PLAGL1: variants seen among roughly 807,000 people sequenced by gnomAD.
PLAGL1 encodes zinc finger protein PLAGL1.
PLAGL1 carries 1 observed loss-of-function variant against 4.6 expected under a neutral mutation model. The observed-to-expected ratio is 0.22, with a 90% CI of 0.08 to 1.03. The LOEUF (loss-of-function observed/expected upper bound fraction) is 1.03. PLAGL1 is among the 50% of genes least tolerant of loss of function. The probability of loss-of-function intolerance (pLI) is 0.58; values close to 1 mark genes in which losing one functional copy is unlikely to be tolerated. For synonymous variants in PLAGL1, 240 were observed against 237.8 expected (o/e 1.01, Z -0.08); for missense variants, 464 against 570.4 (o/e 0.81, Z 1.90).
rs1783068636 is a variant in PLAGL1, at chr6:143,960,133, C to T, written c.-325+336G>A. Among the ~76,000 whole-genome samples the T allele has an allele frequency of 6.6e-6, 1 of 152,142 alleles. No homozygotes were observed. Among genetic ancestry groups the T allele is most frequent in the Admixed American group, 6.5e-5 (1 of 15,272 alleles). Reference sequence around the variant, plus strand: ...CACAAGTTAGGAGTGTTGGCAGGGGCAGCTTTCTTCTTTTGAACTGACAGG... The same window carrying T: ...CACAAGTTAGGAGTGTTGGCAGGGGTAGCTTTCTTCTTTTGAACTGACAGG... On this transcript the variant is annotated intron_variant, in intron 6 of 7. Coordinates refer to ENST00000674357, the MANE Select transcript of PLAGL1 (RefSeq NM_001317162.2). The surrounding 1 kb of genome is among the most constrained non-coding windows in gnomAD (Gnocchi z 5.7).
Position 144,050,148 on chromosome 6 carries a change from ATG to A in PLAGL1, c.-151+14318_-151+14319del, listed in dbSNP as rs1307360381. Among the ~76,000 whole-genome samples the A allele has an allele frequency of 6.6e-6, 1 of 152,140 alleles. No individual in the cohort carries two copies. The highest frequency in any genetic ancestry group is 1.5e-5 in the Non-Finnish European group (1 of 68,022). Reference sequence around the variant, plus strand: ...ACTTTGAGTTTAACTCAAAATATTTATGTGTCTGGTGAGTTTTGAGGGAAATT... The same window carrying A: ...ACTTTGAGTTTAACTCAAAATATTTATGTCTGGTGAGTTTTGAGGGAAATT... On this transcript the variant is annotated intron_variant, in intron 1 of 3. Coordinates refer to the PLAGL1 transcript ENST00000437412. The surrounding 1 kb of genome is among the most constrained non-coding windows in gnomAD (Gnocchi z 4.3).
rs1793871511 is a variant in PLAGL1, at chr6:144,005,049, C to A, written c.-584+3041G>T. 2 of 150,952 alleles carry A rather than the reference C, an allele frequency of 1.3e-5. No individual in the cohort carries two copies. Among genetic ancestry groups the A allele is most frequent in the South Asian group, 4.2e-4 (2 of 4,814 alleles). 9.4% of individuals were successfully genotyped at this position (150,952 alleles called of 1,614,324 possible). On this transcript the variant is annotated intron_variant, in intron 1 of 7. Transcript: ENST00000674357. The surrounding 1 kb of genome is among the most constrained non-coding windows in gnomAD (Gnocchi z 4.6). ...TGTGTATATATTATATATATACACA[C>A]ACCTACATACATTGCCTCAAAAGTC... is the stretch of plus-strand genomic sequence containing the variant.
chr6:144,031,882 T>G (rs1385385539), intron 1 of PLAGL1, among the ~76,000 whole-genome samples: 3 of 152,160 alleles, frequency 2.0e-5, no homozygotes, highest in Admixed American at 2.0e-4. Flanking sequence ...TCTAGTTCTG[T>G]GAAGAATGAT....
chr6:144,036,853 C>T lies in PLAGL1; in HGVS notation c.-151+27615G>A. The T allele has an allele frequency of 3.2e-6, 1 of 308,258 alleles. No individual in the cohort carries two copies. The highest frequency in any genetic ancestry group is 6.3e-6 in the Non-Finnish European group (1 of 159,416). 19.1% of individuals were successfully genotyped at this position (308,258 alleles called of 1,614,324 possible). A position where few individuals can be genotyped will look rare whatever the true frequency, so the allele number is the denominator to read the frequency against. ...GAAATACTCTGGCATAAAATGAAGG[C>T]CATCCCCTAATGGTTTGTTCTTGGT... On this transcript the variant is annotated intron_variant, in intron 1 of 3. Coordinates refer to the PLAGL1 transcript ENST00000437412. This position sits in a 1 kb window ranked among gnomAD's most constrained non-coding sequence, Gnocchi z 5.1.
In PLAGL1 at chr6:143,961,186, A is replaced by G. The variant is rs908955657; in HGVS notation, c.-398-644T>C. 1 of 152,244 alleles carries G rather than the reference A, an allele frequency of 6.6e-6. No homozygotes were observed. Among genetic ancestry groups the G allele is most frequent in the African/African-American group, 2.4e-5 (1 of 41,458 alleles). 9.4% of individuals were successfully genotyped at this position (152,244 alleles called of 1,614,324 possible). A position where few individuals can be genotyped will look rare whatever the true frequency, so the allele number is the denominator to read the frequency against. ...GAATTTACGTTTTTACCAAATCTACAGAAGCCAAGTCTACAGCCAGCTTTG... is the reference window on the plus strand; with the variant it reads ...GAATTTACGTTTTTACCAAATCTACGGAAGCCAAGTCTACAGCCAGCTTTG... On this transcript the variant is annotated intron_variant, in intron 5 of 7. Transcript: ENST00000674357. This position sits in a 1 kb window ranked among gnomAD's most constrained non-coding sequence, Gnocchi z 6.5.
intron 7 of PLAGL1, among the ~76,000 whole-genome samples, chr6:143,944,605 C>T (rs1342601229): frequency 6.6e-6 from 1 of 152,034 alleles, no homozygotes; most frequent in Non-Finnish European, 1.5e-5. Context: ...CCAGATTGTG[C>T]TGGTGTTTCC....
chr6:144,002,130 G>C (rs1340476473), intron 1 of PLAGL1, among the ~76,000 whole-genome samples: 2 of 152,114 alleles, frequency 1.3e-5, no homozygotes, highest in Non-Finnish European at 2.9e-5. Context: ...ATGAGAGGAA[G>C]CTGGGTGAAG....
At chr6:144,025,381 TA>T (rs1796261236) in intron 1 of PLAGL1, among the ~76,000 whole-genome samples, 1 of 152,048 alleles carries the variant, frequency 6.6e-6, no homozygotes, top group African/African-American at 2.4e-5. Context: ...AAAAAGGACT[TA>T]GGGGAAAATG....
In PLAGL1 at chr6:143,983,094, G is replaced by T. The variant is rs571193904; in HGVS notation, c.-544+2041C>A. ...GTTTGGAGGTCAGGACAATGAGGATGTAACTGCAAGAAAGATAAGAGTAGT... is the reference window on the plus strand; with the variant it reads ...GTTTGGAGGTCAGGACAATGAGGATTTAACTGCAAGAAAGATAAGAGTAGT... On this transcript the variant is annotated intron_variant, in intron 2 of 7. Coordinates refer to ENST00000674357, the MANE Select transcript of PLAGL1 (RefSeq NM_001317162.2). This position sits in a 1 kb window ranked among gnomAD's most constrained non-coding sequence, Gnocchi z 6.6. Among the ~76,000 whole-genome samples the T allele has an allele frequency of 1.3e-5, 2 of 152,280 alleles. No homozygotes were observed. The highest frequency in any genetic ancestry group is 2.9e-5 in the Non-Finnish European group (2 of 67,990).
Position 144,027,028 on chromosome 6 carries a change from AAAGT to A in PLAGL1, c.-151+37436_-151+37439del, listed in dbSNP as rs1308395123. Among the ~76,000 whole-genome samples, 1 of 151,870 alleles carries A rather than the reference AAAGT, an allele frequency of 6.6e-6. No homozygotes were observed. Among genetic ancestry groups the A allele is most frequent in the Non-Finnish European group, 1.5e-5 (1 of 67,992 alleles). ...GGAGTTCAAGACCAGTGTGGGTAAA[AAAGT>A]AAGACCCCACCCCCCGACTCTACAA... On this transcript the variant is annotated intron_variant, in intron 1 of 3. Transcript: ENST00000437412. The surrounding 1 kb of genome is among the most constrained non-coding windows in gnomAD (Gnocchi z 5.8).
At position 143,940,519 on chromosome 6, in the gene PLAGL1, G is replaced by T. The variant is rs1340277204; in HGVS notation, c.*905C>A. Reference sequence around the variant, plus strand: ...GAATTACAAATGCACTTATTTATTGGTGATTACAAACAATACTTAAGAACT... The same window carrying T: ...GAATTACAAATGCACTTATTTATTGTTGATTACAAACAATACTTAAGAACT... On this transcript the variant is annotated 3_prime_UTR_variant, in exon 8 of 8. Transcript: ENST00000674357. 6.6e-6 allele frequency: 1 copy of T among 152,200 alleles called. No homozygotes were observed. Among genetic ancestry groups the T allele is most frequent in the Non-Finnish European group, 1.5e-5 (1 of 67,998 alleles). 9.4% of individuals were successfully genotyped at this position (152,200 alleles called of 1,614,324 possible). A position where few individuals can be genotyped will look rare whatever the true frequency, so the allele number is the denominator to read the frequency against.
In PLAGL1 at chr6:144,039,613, T is replaced by G. The variant is rs368416930; in HGVS notation, c.-151+24855A>C. ...AAATAAAATCAAATAAAATATCACATGCCATTTTACACCCCAAAAATGAAA... is the reference window on the plus strand; with the variant it reads ...AAATAAAATCAAATAAAATATCACAGGCCATTTTACACCCCAAAAATGAAA... On this transcript the variant is annotated intron_variant, in intron 1 of 3. Transcript: ENST00000437412. The surrounding 1 kb of genome is among the most constrained non-coding windows in gnomAD (Gnocchi z 4.1). Among the ~76,000 whole-genome samples, 101 of 152,092 alleles carry G rather than the reference T, an allele frequency of 6.6e-4. 1 individual carries two copies. In the South Asian group the frequency reaches 0.02, roughly 30 times the overall value.
chr6:144,056,179 T>C lies in PLAGL1; in HGVS notation c.-151+8289A>G, dbSNP rs574801530. 4.1e-5 allele frequency among the ~76,000 whole-genome samples: 6 copies of C among 148,028 alleles called. No individual in the cohort carries two copies. The South Asian group carries it at 1.4e-3, about 34-fold the overall frequency. On this transcript the variant is annotated intron_variant, in intron 1 of 3. Transcript: ENST00000437412. The surrounding 1 kb of genome is among the most constrained non-coding windows in gnomAD (Gnocchi z 4.7). Reference sequence around the variant, plus strand: ...ACACATTCGCTTTTTTAAAAAAGCCTATTTTTCAAAGCTGTTTTATGTTCA... The same window carrying C: ...ACACATTCGCTTTTTTAAAAAAGCCCATTTTTCAAAGCTGTTTTATGTTCA...
Position 144,048,476 on chromosome 6 carries a change from G to A in PLAGL1, c.-151+15992C>T, listed in dbSNP as rs1375264159. On this transcript the variant is annotated intron_variant, in intron 1 of 3. Coordinates refer to the PLAGL1 transcript ENST00000437412. The surrounding 1 kb of genome is among the most constrained non-coding windows in gnomAD (Gnocchi z 4.8). ...CAGGCATTTCCATACATCCTTTGAA[G>A]TCTAGGCAGAGGTTCCCAAACCTTG... Among the ~76,000 whole-genome samples, 2 of 152,216 alleles carry A rather than the reference G, an allele frequency of 1.3e-5. No individual in the cohort carries two copies. The highest frequency in any genetic ancestry group is 2.9e-5 in the Non-Finnish European group (2 of 68,040).
At position 143,950,991 on chromosome 6, in the gene PLAGL1, T is replaced by C. The variant is rs902145409; in HGVS notation, c.-324-2531A>G. Among the ~76,000 whole-genome samples, 1 of 152,220 alleles carries C rather than the reference T, an allele frequency of 6.6e-6. No individual in the cohort carries two copies. The highest frequency in any genetic ancestry group is 1.5e-5 in the Non-Finnish European group (1 of 68,040). On this transcript the variant is annotated intron_variant, in intron 6 of 7. Transcript: ENST00000674357. The surrounding 1 kb of genome is among the most constrained non-coding windows in gnomAD (Gnocchi z 6.3). ...AAGGAGAGGAAGGCAAGGCTGTGCT[T>C]TCCTTGGACACAACTGTGCTACTGA...
rs900878246 is a variant in PLAGL1, at chr6:143,942,582, T to G, written c.234A>C (p.Lys78Asn). The change falls in exon 8 of 8, where the codon AAA becomes AAC. Residue 78 changes from lysine (K) to asparagine (N), a missense_variant. This residue lies in a region of PLAGL1 where 161 missense variants were observed against 196.7 expected (regional missense o/e 0.82). Transcript: ENST00000674357. This position sits in a 1 kb window ranked among gnomAD's most constrained non-coding sequence, Gnocchi z 7.6. ...EKTFNRKDHL[K>N]NHLQTHDPNK... ...TGGGGTCGTGGGTCTGGAGGTGGTT[T>G]TTCAGGTGGTCTTTCCGGTTGAACG... 2 of 1,614,088 alleles carry G rather than the reference T, an allele frequency of 1.2e-6. No homozygotes were observed. Among genetic ancestry groups the G allele is most frequent in the East Asian group, 2.2e-5 (1 of 44,864 alleles).
In PLAGL1 at chr6:143,952,319, T is replaced by G. The variant is rs1264454303; in HGVS notation, c.-324-3859A>C. ...AGAACTTACAGAGCAATGGTCCTGA[T>G]GCGAGTCATTCTGTTCTGTGACTTG... On this transcript the variant is annotated intron_variant, in intron 6 of 7. Transcript: ENST00000674357. The surrounding 1 kb of genome is among the most constrained non-coding windows in gnomAD (Gnocchi z 6.1). Among the ~76,000 whole-genome samples the G allele has an allele frequency of 6.6e-6, 1 of 152,234 alleles. No homozygotes were observed. Among genetic ancestry groups the G allele is most frequent in the Non-Finnish European group, 1.5e-5 (1 of 68,042 alleles).
chr6:143,969,513 A>T (rs1339816225), intron 2 of PLAGL1, among the ~76,000 whole-genome samples: 2 of 151,988 alleles, frequency 1.3e-5, no homozygotes, highest in African/African-American at 4.8e-5. Context: ...GGCTGGGCAC[A>T]GTGGCTCACA....
At chr6:144,040,254 C>G (rs1257407463) in intron 1 of PLAGL1, among the ~76,000 whole-genome samples, 2 of 152,250 alleles carry the variant, frequency 1.3e-5, no homozygotes, top group African/African-American at 4.8e-5. Flanking sequence ...CTAGGCCAGG[C>G]ACGGTGGCTC....
Sources: gnomAD v4.1 joint callset for allele counts (sites outside exome capture counted in the v4.1 genomes callset) on GRCh38, gnomAD v4.1.1 for gene constraint, gnomAD v4.1.1 regional missense constraint, Gnocchi (gnomAD v3.1) non-coding constraint, MANE v1.5 for transcripts, NCBI Gene and HGNC (gene_info 2026-07-23, HGNC 2026-07-21) for gene names.